Variants in WWOX observed in about 807,000 individuals in gnomAD.
The protein encoded by WWOX is WW domain-containing oxidoreductase.
WWOX carries 69 observed loss-of-function variants against 46.2 expected under a neutral mutation model. The observed-to-expected ratio is 1.49, with a 90% CI of 1.23 to 1.82. The LOEUF (loss-of-function observed/expected upper bound fraction) is 1.82. Among genes scored for constraint, WWOX ranks in the 40% most tolerant of loss-of-function variants. WWOX has a pLI of 0.00. For synonymous variants in WWOX, 359 were observed against 202.6 expected (o/e 1.77, Z -6.56); for missense variants, 919 against 542.6 (o/e 1.69, Z -6.89).
chr16:78,554,380 G>A (rs925000951), intron 8 of WWOX, among the ~76,000 whole-genome samples: 8 of 152,120 alleles, frequency 5.3e-5, no homozygotes, highest in African/African-American at 1.7e-4. Context: ...GTCTGATCGT[G>A]AAAATTCAAA....
chr16:79,077,290 T>G (rs1245224647), intron 8 of WWOX: 2 of 152,192 alleles, frequency 1.3e-5, no homozygotes, highest in African/African-American at 4.8e-5. Flanking sequence ...CCCTGCGTTT[T>G]GACAAACATC....
intron 8 of WWOX, among the ~76,000 whole-genome samples, chr16:79,056,625 C>T (rs1035698527): frequency 2.0e-5 from 3 of 152,144 alleles, no homozygotes; most frequent in Admixed American, 1.3e-4. Flanking sequence ...CACTAGATGC[C>T]AGTAGCATCC....
chr16:78,426,958 G>A (rs900530271), intron 7 of WWOX, among the ~76,000 whole-genome samples: 7 of 152,142 alleles, frequency 4.6e-5, no homozygotes, highest in Non-Finnish European at 8.8e-5. Flanking sequence ...CACCACGCCC[G>A]GCCTCTTTGC....
chr16:78,627,219 C>G (rs2046330963), intron 8 of WWOX, among the ~76,000 whole-genome samples: 1 of 152,072 alleles, frequency 6.6e-6, no homozygotes, highest in Admixed American at 6.6e-5. Context: ...CCACTCTTCC[C>G]CCTGTGCCCC....
At chr16:79,006,490 C>A (rs184333934) in intron 8 of WWOX, among the ~76,000 whole-genome samples, 128 of 151,988 alleles carry the variant, frequency 8.4e-4, no homozygotes, top group African/African-American at 2.9e-3. Context: ...GCTTTTAGCC[C>A]CTGATCTGAG....
At chr16:79,185,751 A>G (rs573850393) in intron 8 of WWOX, among the ~76,000 whole-genome samples, 2 of 152,268 alleles carry the variant, frequency 1.3e-5, no homozygotes, top group Admixed American at 6.5e-5. Flanking sequence ...GGGAATCAGG[A>G]AAGAAATGAG....
At chr16:78,711,310 T>A (rs2048440046) in intron 8 of WWOX, among the ~76,000 whole-genome samples, 1 of 152,238 alleles carries the variant, frequency 6.6e-6, no homozygotes, top group Admixed American at 6.5e-5. Context: ...CATTTACTAT[T>A]TCTATGGTTT....
At chr16:78,674,843 T>A (rs1458679486) in intron 8 of WWOX, among the ~76,000 whole-genome samples, 1 of 147,146 alleles carries the variant, frequency 6.8e-6, no homozygotes, top group Admixed American at 6.8e-5. Flanking sequence ...TTTTTTTTTC[T>A]GGAAGAAAGA....
chr16:79,113,878 G>A (rs545264303), intron 8 of WWOX, among the ~76,000 whole-genome samples: 1 of 152,210 alleles, frequency 6.6e-6, no homozygotes, highest in Non-Finnish European at 1.5e-5. Context: ...CTTGAACCAG[G>A]GTCTCTCAGT....
chr16:78,680,343 A>C (rs2047699871), intron 8 of WWOX, among the ~76,000 whole-genome samples: 1 of 152,054 alleles, frequency 6.6e-6, no homozygotes, highest in Non-Finnish European at 1.5e-5. Context: ...CAGGAGTTCA[A>C]GACCAGCCTG....
chr16:78,779,568 T>A (rs184053599), intron 8 of WWOX, among the ~76,000 whole-genome samples: 1 of 152,322 alleles, frequency 6.6e-6, no homozygotes, highest in Admixed American at 6.5e-5. Context: ...ACAGATTGTT[T>A]AACCCTCACA....
At chr16:78,309,029 G>C (rs2080185015) in intron 5 of WWOX, among the ~76,000 whole-genome samples, 1 of 152,048 alleles carries the variant, frequency 6.6e-6, no homozygotes, top group Non-Finnish European at 1.5e-5. Flanking sequence ...CCCAAAATCA[G>C]TCCTTTCTAT....
intron 8 of WWOX, among the ~76,000 whole-genome samples, chr16:78,592,753 G>A (rs1241168992): frequency 6.6e-6 from 1 of 152,162 alleles, no homozygotes; most frequent in Non-Finnish European, 1.5e-5. Flanking sequence ...AAAATAAGTT[G>A]TTTTCTGGCC....
rs375593526 is a variant in WWOX at position 78,615,315 on chromosome 16, CCT to C, written c.1056+182567_1056+182568del. Among the ~76,000 whole-genome samples, 222 of 152,196 alleles carry C rather than the reference CCT, an allele frequency of 1.5e-3. 1 individual carries two copies. The highest frequency in any genetic ancestry group is 5.3e-3 in the African/African-American group (219 of 41,514). On this transcript the variant is annotated intron_variant, in intron 8 of 8. Coordinates refer to ENST00000566780, the MANE Select transcript of WWOX (RefSeq NM_016373.4). ...CTAGGAGTTGGGCTGCCTTTGCTCT[CCT>C]CTCCGCGACTCGGTACCTGGTGTAT...
At chr16:78,394,417 T>C (rs2082243172) in intron 6 of WWOX, among the ~76,000 whole-genome samples, 1 of 149,736 alleles carries the variant, frequency 6.7e-6, no homozygotes, top group Non-Finnish European at 1.5e-5. Flanking sequence ...TCCTAAGGCA[T>C]TGAAAAAGCA....
At chr16:78,360,062 A>C (rs990290663) in intron 5 of WWOX, among the ~76,000 whole-genome samples, 9 of 152,216 alleles carry the variant, frequency 5.9e-5, no homozygotes, top group African/African-American at 2.2e-4. Context: ...GGAGGATACC[A>C]ATTTAAGCTT....
At chr16:78,629,086 G>C (rs180974208) in intron 8 of WWOX, among the ~76,000 whole-genome samples, 2 of 152,154 alleles carry the variant, frequency 1.3e-5, no homozygotes, top group African/African-American at 4.8e-5. Context: ...ATTTCAAAAT[G>C]TGAATGTAAG....
At chr16:78,383,088 G>A (rs2081989636) in intron 5 of WWOX, among the ~76,000 whole-genome samples, 1 of 150,500 alleles carries the variant, frequency 6.6e-6, no homozygotes, top group Non-Finnish European at 1.5e-5. Context: ...AGCACTAGGG[G>A]GATGGCACTA....
intron 5 of WWOX, among the ~76,000 whole-genome samples, chr16:78,228,339 CTTTTTTTTTTTT>C (rs34322106): frequency 1.8e-5 from 2 of 111,322 alleles, no homozygotes; most frequent in African/African-American, 6.7e-5. Context: ...CATATTCTCT[CTTTTTTTTTTTT>C]TTTTTTTTTG....
Sources: gnomAD v4.1 joint callset for allele counts (sites outside exome capture counted in the v4.1 genomes callset) on GRCh38, gnomAD v4.1.1 for gene constraint, MANE v1.5 for transcripts, NCBI Gene and HGNC (gene_info 2026-07-23, HGNC 2026-07-21) for gene names.